Variants in USP19 observed in about 807,000 individuals in gnomAD.
USP19 encodes the protein ubiquitin carboxyl-terminal hydrolase 19.
In USP19, 40 loss-of-function variants were observed where a neutral mutation model predicts 144.8. The ratio of observed to expected loss-of-function variants is 0.28; its 90% CI spans 0.21 to 0.36. The LOEUF (loss-of-function observed/expected upper bound fraction) is 0.36. USP19 is among the 10% of genes least tolerant of loss of function. The probability of loss-of-function intolerance (pLI) is 1.00; values close to 1 mark genes in which losing one functional copy is unlikely to be tolerated. For synonymous variants in USP19, 701 were observed against 709.3 expected, an observed-to-expected ratio of 0.99 and a Z score of 0.19; for missense variants, 1,518 against 1,822.5, an observed-to-expected ratio of 0.83 and a Z score of 3.04.
chr3:49,118,973 A>T, intron 2 of USP19, 49 bp downstream of exon 2: 1 of 1,612,580 alleles, frequency 6.2e-7, no homozygotes, highest in Non-Finnish European at 8.5e-7. Flanking sequence ...TATACCAATA[A>T]GATGGGAGGC....
rs1201431641 is a variant in USP19, at chr3:49,114,313, C to A, written c.2293-29G>T. On this transcript the variant is annotated intron_variant, in intron 15 of 26. Coordinates refer to ENST00000417901, the MANE Select transcript of USP19 (RefSeq NM_001199161.2). This position sits in a 1 kb window ranked among gnomAD's most constrained non-coding sequence, Gnocchi z 4.5. ...TGGATGTAGAGGTGGCACTGGGTAG[C>A]TGCACACAGAGTGGGAGATAAGATG... 2.5e-6 allele frequency: 4 copies of A among 1,601,634 alleles called. No homozygotes were observed. Among genetic ancestry groups the A allele is most frequent in the South Asian group, 1.1e-5 (1 of 90,698 alleles).
Position 49,108,468 on chromosome 3 carries a change from C to A in USP19, c.4099G>T (p.Ala1367Ser). Reference protein sequence around the residue: ...APTRTAPERFAPPVDRPAPTY... With the variant: ...APTRTAPERFSPPVDRPAPTY... Reference sequence around the variant, plus strand: ...GGGGCTGGCCGATCCACAGGGGGGGCGAAGCGTTCAGGGGCTGTCCGCGTG... The same window carrying A: ...GGGGCTGGCCGATCCACAGGGGGGGAGAAGCGTTCAGGGGCTGTCCGCGTG... Residue 1367 changes from alanine (A) to serine (S), a missense_variant, in exon 27 of 27, where the codon GCC (alanine) becomes TCC (serine). By Grantham distance (99) the Ala-to-Ser change is moderately conservative. Coordinates refer to ENST00000417901, the MANE Select transcript of USP19 (RefSeq NM_001199161.2). This position sits in a 1 kb window ranked among gnomAD's most constrained non-coding sequence, Gnocchi z 4.8. The A allele has an allele frequency of 7.4e-7, 1 of 1,346,448 alleles. No homozygotes were observed. The highest frequency in any genetic ancestry group is 1.8e-5 in the South Asian group (1 of 54,844). The allele number at this position is 1,346,448 out of a possible 1,614,324, so 83.4% of individuals were successfully genotyped here. A position where few individuals can be genotyped will look rare whatever the true frequency, so the allele number is the denominator to read the frequency against.
chr3:49,118,598 AT>A (rs2044595224), intron 2 of USP19, among the ~76,000 whole-genome samples: 1 of 151,402 alleles, frequency 6.6e-6, no homozygotes, highest in East Asian at 1.9e-4. Flanking sequence ...AAAAAAAAAA[AT>A]TAGCCTTGCG....
At position 49,115,582 on chromosome 3, in the gene USP19, C is replaced by T. The variant is rs377273061; in HGVS notation, c.1750G>A (p.Val584Met). The change falls in exon 12 of 27, where the codon GTG becomes ATG. Residue 584 changes from valine (V) to methionine (M), a missense_variant. Transcript: ENST00000417901. This position sits in a 1 kb window ranked among gnomAD's most constrained non-coding sequence, Gnocchi z 6.6. Reference protein sequence around the residue: ...MPHSPVSGDSVEEEEEEEKKV... With the variant: ...MPHSPVSGDSMEEEEEEEKKV... ...TTCTCTTCCTCTTCCTCCTCCTCCA[C>T]GCTGTCTCCACTAACTGGGCTGTGG... The T allele has an allele frequency of 1.4e-5, 23 of 1,612,412 alleles. No individual in the cohort carries two copies. Among genetic ancestry groups the T allele is most frequent in the East Asian group, 2.2e-5 (1 of 44,874 alleles).
Position 49,111,534 on chromosome 3 carries a change from G to A in USP19, c.3183C>T (p.Ser1061=). 6.2e-7 allele frequency: 1 copy of A among 1,612,308 alleles called. No homozygotes were observed. Among genetic ancestry groups the A allele is most frequent in the Non-Finnish European group, 8.5e-7 (1 of 1,180,006 alleles). Reference sequence around the variant, plus strand: ...GGGACACCCTCTCGCCAGCTGGCAAGGAGCCAACCTCAATGGGCCCACTGG... The same window carrying A: ...GGGACACCCTCTCGCCAGCTGGCAAAGAGCCAACCTCAATGGGCCCACTGG... ...MLASGPIEVG[S]LPAGERVSRP... is the part of the protein sequence containing the mutation. Residue 1061 remains serine, a synonymous_variant, in exon 21 of 27, where the codon TCC becomes TCT. Transcript: ENST00000417901. This position sits in a 1 kb window ranked among gnomAD's most constrained non-coding sequence, Gnocchi z 5.9.
Position 49,115,286 on chromosome 3 carries a change from A to G in USP19, c.1964T>C (p.Val655Ala). ...TGGRLAIGFA[V>A]LLRALWKGTH... is the part of the protein sequence containing the mutation. ...GCCCTTCCACAGCGCCCGAAGCAGC[A>G]CGGCAAAGCCAATGGCCAGACGCCC... Residue 655 changes from valine (V) to alanine (A), a missense_variant, in exon 13 of 27, where the codon GTG becomes GCG. Physicochemically the swap from Val to Ala is moderately conservative, Grantham distance 64. This residue lies in a region of USP19 where 158 missense variants were observed against 277.3 expected (regional missense o/e 0.57). Transcript: ENST00000417901. The surrounding 1 kb of genome is among the most constrained non-coding windows in gnomAD (Gnocchi z 6.6). The G allele has an allele frequency of 6.2e-7, 1 of 1,614,172 alleles. No individual in the cohort carries two copies. Among genetic ancestry groups the G allele is most frequent in the Non-Finnish European group, 8.5e-7 (1 of 1,180,048 alleles).
Position 49,108,446 on chromosome 3 carries a change from G to T in USP19, c.4121C>A (p.Ala1374Asp). ...CTCCTCCATGTTGCTGTAGGTGGGG[G>T]CTGGCCGATCCACAGGGGGGGCGAA... Reference protein sequence around the residue: ...ERFAPPVDRPAPTYSNMEEVD With the variant: ...ERFAPPVDRPDPTYSNMEEVD The change falls in exon 27 of 27, where the codon GCC becomes GAC. Residue 1374 changes from alanine (A) to aspartate (D), a missense_variant. This residue lies in a region of USP19 where 118 missense variants were observed against 100.2 expected (regional missense o/e 1.18). Coordinates refer to ENST00000417901, the MANE Select transcript of USP19 (RefSeq NM_001199161.2). The surrounding 1 kb of genome is among the most constrained non-coding windows in gnomAD (Gnocchi z 4.8). 1.5e-6 allele frequency: 2 copies of T among 1,371,040 alleles called. No individual in the cohort carries two copies. The highest frequency in any genetic ancestry group is 9.5e-7 in the Non-Finnish European group (1 of 1,050,056). The allele number at this position is 1,371,040 out of a possible 1,614,324, so 84.9% of individuals were successfully genotyped here. A position where few individuals can be genotyped will look rare whatever the true frequency, so the allele number is the denominator to read the frequency against.
In USP19 at chr3:49,117,096, CCCCGGGGT is replaced by C; in HGVS notation, c.864_871del (p.Pro289Ter). ...GTCAGCCACGAAGGGTGGGGCATCA[CCCCGGGGT>C]CCAGGGTCATCCCTGGACCCGTCCC... is the stretch of plus-strand genomic sequence containing the variant. On this transcript the variant is annotated frameshift_variant, in exon 6 of 27. Transcript: ENST00000417901. LOFTEE classifies it high-confidence loss of function. The surrounding 1 kb of genome is among the most constrained non-coding windows in gnomAD (Gnocchi z 4.4). 1 of 1,523,680 alleles carries C rather than the reference CCCCGGGGT, an allele frequency of 6.6e-7. No homozygotes were observed. The highest frequency in any genetic ancestry group is 8.8e-7 in the Non-Finnish European group (1 of 1,132,030). The allele number at this position is 1,523,680 out of a possible 1,614,324, so 94.4% of individuals were successfully genotyped here. A position where few individuals can be genotyped will look rare whatever the true frequency, so the allele number is the denominator to read the frequency against.
In USP19 at chr3:49,119,154, G is replaced by T. The variant is rs201146848; in HGVS notation, c.-9C>A. The stretch of plus-strand genomic sequence containing the variant: ...CTGGCCCCGCCAGACATCTTGAGCC[G>T]CTTGGTCGACAGCCAGAGTGCCCCG... On this transcript the variant is annotated 5_prime_UTR_variant, in exon 2 of 27. Transcript: ENST00000417901. The T allele has an allele frequency of 6.2e-7, 1 of 1,608,962 alleles. No individual in the cohort carries two copies. Among genetic ancestry groups the T allele is most frequent in the South Asian group, 1.1e-5 (1 of 90,706 alleles).
chr3:49,109,221 GGT>G, intron 26 of USP19: 1 of 1,453,046 alleles, frequency 6.9e-7, no homozygotes, highest in Non-Finnish European at 9.1e-7. Context: ...GCACCCCGGG[GGT>G]GGGGAGGACC....
At position 49,117,131 on chromosome 3, in the gene USP19, C is replaced by G; in HGVS notation, c.837G>C (p.Glu279Asp). The change falls in exon 6 of 27, where the codon GAG (glutamate) becomes GAC (aspartate). Residue 279 changes from glutamate (E) to aspartate (D), a missense_variant. This residue lies in a region of USP19 where 707 missense variants were observed against 728.9 expected (regional missense o/e 0.97). Transcript: ENST00000417901. This position sits in a 1 kb window ranked among gnomAD's most constrained non-coding sequence, Gnocchi z 4.4. ...CAGGGTCATCCCTGGACCCGTCCCCCTCTGGCCCTCTGCAGAGATGCACAG... is the reference window on the plus strand; with the variant it reads ...CAGGGTCATCCCTGGACCCGTCCCCGTCTGGCCCTCTGCAGAGATGCACAG... ...KRAVHLCRGP[E>D]GDGSRDDPGP... 6.5e-7 allele frequency: 1 copy of G among 1,547,088 alleles called. No homozygotes were observed. The highest frequency in any genetic ancestry group is 8.7e-7 in the Non-Finnish European group (1 of 1,145,608).
chr3:49,112,371 T>C lies in USP19; in HGVS notation c.2678A>G (p.Lys893Arg). 6.2e-7 allele frequency: 1 copy of C among 1,614,000 alleles called. No individual in the cohort carries two copies. The highest frequency in any genetic ancestry group is 8.5e-7 in the Non-Finnish European group (1 of 1,179,972). ...TTGCTTCCGCTGGCAGGCTGCACAC[T>C]TGGAGATGGGGACGCTGGGCACCTG... is the stretch of plus-strand genomic sequence containing the variant. ...RPQVPSVPISKCAACQRKQQS... is the reference protein window; with the variant it reads ...RPQVPSVPISRCAACQRKQQS... Residue 893 changes from lysine to arginine, a missense_variant, in exon 19 of 27, where the codon AAG becomes AGG. This residue lies in a region of USP19 where 413 missense variants were observed against 515.8 expected (regional missense o/e 0.80). Coordinates refer to ENST00000417901, the MANE Select transcript of USP19 (RefSeq NM_001199161.2). The surrounding 1 kb of genome is among the most constrained non-coding windows in gnomAD (Gnocchi z 4.9).
Position 49,119,255 on chromosome 3 carries a change from C to T in USP19, c.-110G>A, listed in dbSNP as rs989484083. On this transcript the variant is annotated 5_prime_UTR_variant, in exon 2 of 27. Transcript: ENST00000417901. ...AGCTATCTTGGCAACTCTTTGTGGC[C>T]AAATTCTCCAGCAAGGAACGGACAG... 2.8e-5 allele frequency: 40 copies of T among 1,422,982 alleles called. No homozygotes were observed. The highest frequency in any genetic ancestry group is 3.5e-5 in the Non-Finnish European group (37 of 1,067,550). 88.1% of individuals were successfully genotyped at this position (1,422,982 alleles called of 1,614,324 possible). A position where few individuals can be genotyped will look rare whatever the true frequency, so the allele number is the denominator to read the frequency against.
Position 49,116,239 on chromosome 3 carries a change from G to T in USP19, c.1355+41C>A. On this transcript the variant is annotated intron_variant, in intron 9 of 26. Transcript: ENST00000417901. This position sits in a 1 kb window ranked among gnomAD's most constrained non-coding sequence, Gnocchi z 5.0. ...GATGAGCCAGGGAGATGGAGCCCAC[G>T]GGGTAGGACAGGCACAGTGGTGGGG... The T allele has an allele frequency of 6.2e-7, 1 of 1,613,612 alleles. No individual in the cohort carries two copies. The highest frequency in any genetic ancestry group is 1.1e-5 in the South Asian group (1 of 91,082).
rs2043813437 is a variant in USP19, at chr3:49,114,868, TACC to T, written c.2184_2186del (p.Val729del). 6.2e-7 allele frequency: 1 copy of T among 1,614,042 alleles called. No individual in the cohort carries two copies. Among genetic ancestry groups the T allele is most frequent in the African/African-American group, 1.3e-5 (1 of 74,910 alleles). On this transcript the variant is annotated inframe_deletion and splice_region_variant, in exon 15 of 27. Coordinates refer to ENST00000417901, the MANE Select transcript of USP19 (RefSeq NM_001199161.2). The surrounding 1 kb of genome is among the most constrained non-coding windows in gnomAD (Gnocchi z 4.5). ...TGTGCCGCTGCCATGCTTCCTCAGC[TACC>T]ACCTGAGAGGCAGAGTGGTGAGAAC...
At position 49,108,976 on chromosome 3, in the gene USP19, G is replaced by C. The variant is rs1432455758; in HGVS notation, c.4039-448C>G. 1 of 1,611,682 alleles carries C rather than the reference G, an allele frequency of 6.2e-7. No homozygotes were observed. Among genetic ancestry groups the C allele is most frequent in the East Asian group, 2.2e-5 (1 of 44,838 alleles). ...GGCGAGCTCATCTCCAGCGACTCTGGGATACCAGAGGATAGAACACGTTGA... is the reference window on the plus strand; with the variant it reads ...GGCGAGCTCATCTCCAGCGACTCTGCGATACCAGAGGATAGAACACGTTGA... On this transcript the variant is annotated intron_variant, in intron 26 of 26. Coordinates refer to ENST00000417901, the MANE Select transcript of USP19 (RefSeq NM_001199161.2). The surrounding 1 kb of genome is among the most constrained non-coding windows in gnomAD (Gnocchi z 4.8).
chr3:49,117,236 G>A lies in USP19; in HGVS notation c.732C>T (p.Asn244=). Residue 244 remains asparagine (N), a synonymous_variant, in exon 6 of 27, where the codon AAC becomes AAT. Transcript: ENST00000417901. This position sits in a 1 kb window ranked among gnomAD's most constrained non-coding sequence, Gnocchi z 4.4. ...CACCACGGCCCTGGGCCCGCTTCTGGTTCCGGGCCTCCTGCTTAGCCCGGT... is the reference window on the plus strand; with the variant it reads ...CACCACGGCCCTGGGCCCGCTTCTGATTCCGGGCCTCCTGCTTAGCCCGGT... ...EPHRAKQEAR[N]QKRAQGRGEV... 1 of 1,552,922 alleles carries A rather than the reference G, an allele frequency of 6.4e-7. No homozygotes were observed. The highest frequency in any genetic ancestry group is 1.2e-5 in the South Asian group (1 of 85,514).
In USP19 at chr3:49,120,746, C is replaced by G; in HGVS notation, c.-137+10G>C. On this transcript the variant is annotated intron_variant, in intron 1 of 26. Coordinates refer to ENST00000417901, the MANE Select transcript of USP19 (RefSeq NM_001199161.2). The stretch of plus-strand genomic sequence containing the variant: ...GGCCAAGCCAGCGAGTTGCAGCCTG[C>G]TCCACTCACCGAGCGAGACCGCCGC... 4.6e-6 allele frequency: 1 copy of G among 216,986 alleles called. No individual in the cohort carries two copies. The highest frequency in any genetic ancestry group is 9.3e-6 in the Non-Finnish European group (1 of 107,216). 13.4% of individuals were successfully genotyped at this position (216,986 alleles called of 1,614,324 possible).
In USP19 at chr3:49,119,030, G is replaced by T. The variant is rs1349552270; in HGVS notation, c.116C>A (p.Pro39His). 1 of 1,613,950 alleles carries T rather than the reference G, an allele frequency of 6.2e-7. No homozygotes were observed. Among genetic ancestry groups the T allele is most frequent in the South Asian group, 1.1e-5 (1 of 91,076 alleles). Residue 39 changes from proline to histidine, a missense_variant, in exon 2 of 27, where the codon CCT (proline) becomes CAT (histidine). Physicochemically the swap from Pro to His is moderately conservative, Grantham distance 77 (BLOSUM62 -2). Around this residue, in one of 5 missense-constraint regions of USP19, gnomAD observed 707 missense variants for 728.9 expected, o/e 0.97. Coordinates refer to ENST00000417901, the MANE Select transcript of USP19 (RefSeq NM_001199161.2). ...GGGAATGCCACTCCCACCTTTCCTA[G>T]GATCTCCATCCTTGCTCTCCTGGTT... ...RANQESKDGD[P>H]RKETGSRYVA...
Sources: gnomAD v4.1 joint callset for allele counts (sites outside exome capture counted in the v4.1 genomes callset) on GRCh38, gnomAD v4.1.1 for gene constraint, gnomAD v4.1.1 regional missense constraint, Gnocchi (gnomAD v3.1) non-coding constraint, MANE v1.5 for transcripts, NCBI Gene and HGNC (gene_info 2026-07-23, HGNC 2026-07-21) for gene names.